Variants in WDR19 observed in about 807,000 individuals in gnomAD.
The protein encoded by WDR19 is WD repeat domain 19.
WDR19 carries 121 observed loss-of-function variants against 180.0 expected under a neutral mutation model. The observed-to-expected ratio is 0.67, with a 90% confidence interval of 0.58 to 0.78. The LOEUF (loss-of-function observed/expected upper bound fraction) is 0.78, where lower values mean the gene tolerates loss of function less well. WDR19 is among the 30% of genes least tolerant of loss of function. WDR19 has a pLI of 0.00. For synonymous variants in WDR19, 497 were observed against 540.7 expected, an observed-to-expected ratio of 0.92 and a Z score of 1.12; for missense variants, 1,450 against 1,640.7, an observed-to-expected ratio of 0.88 and a Z score of 2.01.
chr4:39,200,358 AT>A (rs1727245540), intron 6 of WDR19, among the ~76,000 whole-genome samples: 1 of 152,200 alleles, frequency 6.6e-6, no homozygotes, highest in African/African-American at 2.4e-5. Flanking sequence ...TGGATGAGGA[AT>A]TTAGATGCAG....
intron 4 of WDR19, among the ~76,000 whole-genome samples, chr4:39,191,179 A>G (rs944544995): frequency 1.3e-5 from 2 of 152,244 alleles, no homozygotes; most frequent in African/African-American, 2.4e-5. Flanking sequence ...TTTAATGTCT[A>G]AAGGACTTTT....
At chr4:39,271,625 A>T (rs183183136) in intron 31 of WDR19, among the ~76,000 whole-genome samples, 1 of 152,354 alleles carries the variant, frequency 6.6e-6, no homozygotes, top group African/African-American at 2.4e-5. Flanking sequence ...GTGTACATTT[A>T]TATATATACA....
chr4:39,234,218 A>C (rs1446969264), intron 19 of WDR19, among the ~76,000 whole-genome samples: 1 of 152,216 alleles, frequency 6.6e-6, no homozygotes, highest in African/African-American at 2.4e-5. Flanking sequence ...AATGAACTTT[A>C]AAAGATTAAT....
chr4:39,204,162 C>T (rs1211231685), intron 7 of WDR19, among the ~76,000 whole-genome samples: 1 of 151,652 alleles, frequency 6.6e-6, no homozygotes. Flanking sequence ...CTCAGCTCAC[C>T]GCAACCTCCA....
At chr4:39,257,291 C>G (rs1456706421) in intron 27 of WDR19, among the ~76,000 whole-genome samples, 195 bp from the exon 28 acceptor site, 1 of 152,198 alleles carries the variant, frequency 6.6e-6, no homozygotes, top group Non-Finnish European at 1.5e-5. Flanking sequence ...AGAGGGTTAA[C>G]TGGGTCCTTC....
intron 21 of WDR19, among the ~76,000 whole-genome samples, chr4:39,243,060 CTT>C (rs1184129759): frequency 6.6e-6 from 1 of 152,080 alleles, no homozygotes; most frequent in Non-Finnish European, 1.5e-5. Context: ...GACCCAGTCT[CTT>C]TAAAAAAACA....
At chr4:39,186,439 A>G in intron 2 of WDR19, 100 bp from the exon 3 acceptor site, 2 of 824,140 alleles carry the variant, frequency 2.4e-6, no homozygotes, top group South Asian at 2.0e-5. Context: ...AGATCACACC[A>G]CTGCACTCCA....
intron 9 of WDR19, among the ~76,000 whole-genome samples, chr4:39,208,749 T>C (rs1365084279): frequency 6.6e-6 from 1 of 152,210 alleles, no homozygotes; most frequent in Non-Finnish European, 1.5e-5. Flanking sequence ...TACATTGATA[T>C]GTTTGAACTT....
chr4:39,247,862 C>T (rs1306803232), intron 24 of WDR19, among the ~76,000 whole-genome samples: 2 of 152,058 alleles, frequency 1.3e-5, no homozygotes, highest in Non-Finnish European at 2.9e-5. Flanking sequence ...TGTGAAAAGA[C>T]CAAATCTACG....
Position 39,205,284 on chromosome 4 carries a change from G to A in WDR19, c.716+18G>A, listed in dbSNP as rs1247738837. 1 of 1,552,610 alleles carries A rather than the reference G, an allele frequency of 6.4e-7. No homozygotes were observed. Among genetic ancestry groups the A allele is most frequent in the South Asian group, 1.2e-5 (1 of 84,858 alleles). On this transcript the variant is annotated intron_variant, in intron 8 of 36. Coordinates refer to ENST00000399820, the MANE Select transcript of WDR19 (RefSeq NM_025132.4). ...TATAATTGGTATGTCTGCTATAACT[G>A]GTATGTACAAAAAGCTCATTACAGA...
chr4:39,187,684 T>C (rs1421536552), intron 3 of WDR19, among the ~76,000 whole-genome samples: 2 of 152,182 alleles, frequency 1.3e-5, no homozygotes, highest in African/African-American at 4.8e-5. Context: ...GCTATAATTA[T>C]ATGTGAAGTG....
rs1017517762 is a variant in WDR19 at position 39,214,496 on chromosome 4, T to G, written c.891-105T>G. 4 of 640,248 alleles carry G rather than the reference T, an allele frequency of 6.2e-6. No homozygotes were observed. The African/African-American group carries it at 7.6e-5, about 12-fold the overall frequency. The allele number at this position is 640,248 out of a possible 1,614,324, so 39.7% of individuals were successfully genotyped here. On this transcript the variant is annotated intron_variant, in intron 9 of 36. Coordinates refer to ENST00000399820, the MANE Select transcript of WDR19 (RefSeq NM_025132.4). Reference sequence around the variant, plus strand: ...CAGTAGATCATTCTGTACATCACATTTTGGAGACCAGTAACCTATTCCATG... The same window carrying G: ...CAGTAGATCATTCTGTACATCACATGTTGGAGACCAGTAACCTATTCCATG...
chr4:39,184,642 A>G (rs1315731997), intron 1 of WDR19, among the ~76,000 whole-genome samples: 1 of 151,924 alleles, frequency 6.6e-6, no homozygotes. Context: ...ATTTTTTGGT[A>G]ATTTTAGTAG....
Position 39,240,342 on chromosome 4 carries a change from T to A in WDR19, c.2421+8T>A. ...ATAACAGGTGATAATAAGGTAACCT[T>A]GGATAAAGATAAGATATGCCTAATT... is the stretch of plus-strand genomic sequence containing the variant. On this transcript the variant is annotated splice_region_variant and intron_variant, in intron 21 of 36. Transcript: ENST00000399820. 1 of 1,421,612 alleles carries A rather than the reference T, an allele frequency of 7.0e-7. No individual in the cohort carries two copies. The highest frequency in any genetic ancestry group is 9.3e-7 in the Non-Finnish European group (1 of 1,080,586). 88.1% of individuals were successfully genotyped at this position (1,421,612 alleles called of 1,614,324 possible). A position where few individuals can be genotyped will look rare whatever the true frequency, so the allele number is the denominator to read the frequency against.
chr4:39,231,861 A>G lies in WDR19; in HGVS notation c.2047A>G (p.Arg683Gly). The G allele has an allele frequency of 1.9e-6, 3 of 1,611,652 alleles. No individual in the cohort carries two copies. In the African/African-American group the frequency reaches 4.0e-5, roughly 21 times the overall value. Residue 683 changes from arginine to glycine, a missense_variant, in exon 18 of 37, where the codon AGA becomes GGA. Coordinates refer to ENST00000399820, the MANE Select transcript of WDR19 (RefSeq NM_025132.4). ...NDEAAWNELA[R>G]ACLHHMEVEF... ...TGAGGCTGCCTGGAATGAGTTGGCC[A>G]GAGCTTGTCTACATCACATGGAAGT...
chr4:39,240,972 A>AT (rs1303773520), intron 21 of WDR19, among the ~76,000 whole-genome samples: 5 of 150,986 alleles, frequency 3.3e-5, no homozygotes, highest in Non-Finnish European at 7.4e-5. Flanking sequence ...AAAAAAAAAA[A>AT]GTTTCAGTAA....
At chr4:39,235,808 A>T (rs1330448912) in intron 20 of WDR19, among the ~76,000 whole-genome samples, 2 of 152,192 alleles carry the variant, frequency 1.3e-5, no homozygotes, top group African/African-American at 4.8e-5. Flanking sequence ...ATAACCTATT[A>T]AAAACTGGGC....
At chr4:39,272,268 C>T (rs745446511) in intron 31 of WDR19, among the ~76,000 whole-genome samples, 4 of 152,192 alleles carry the variant, frequency 2.6e-5, no homozygotes, top group Non-Finnish European at 5.9e-5. Context: ...AAGAGGCCCT[C>T]TTGCAACAGA....
chr4:39,195,216 A>C (rs1271160396), intron 5 of WDR19, among the ~76,000 whole-genome samples: 1 of 151,922 alleles, frequency 6.6e-6, no homozygotes, highest in African/African-American at 2.4e-5. Context: ...AAATACAAAA[A>C]ATTAGCCGGG....
Sources: allele counts gnomAD v4.1 joint callset (sites outside exome capture counted in the v4.1 genomes callset), GRCh38; gene constraint gnomAD v4.1.1; transcripts MANE v1.5; gene names NCBI Gene and HGNC (gene_info 2026-07-23, HGNC 2026-07-21).